Variants in TVP23C observed in about 807,000 individuals in gnomAD.
TVP23C encodes Golgi apparatus membrane protein TVP23 homolog C.
Under a neutral mutation model 28.7 loss-of-function variants are expected in TVP23C, and 19 were observed. The ratio of observed to expected loss-of-function variants is 0.66; its 90% CI spans 0.46 to 0.97. The LOEUF (loss-of-function observed/expected upper bound fraction) is 0.97, where lower values mean the gene tolerates loss of function less well. Among genes scored for constraint, TVP23C ranks in the 50% least tolerant of loss-of-function variants. The pLI, the probability that TVP23C is intolerant of heterozygous loss-of-function variation, is 0.00. For synonymous variants in TVP23C, 68 were observed against 81.7 expected (o/e 0.83, Z 0.90); for missense variants, 186 against 241.3 (o/e 0.77, Z 1.52).
At chr17:15,551,180 G>A (rs2875144) in intron 3 of TVP23C, among the ~76,000 whole-genome samples, 16 of 151,170 alleles carry the variant, frequency 1.1e-4, no homozygotes, top group East Asian at 1.9e-4. Context: ...GCAGTGGCGC[G>A]ATCTCGGCTC....
rs1248602115 is a variant in TVP23C at position 15,506,847 on chromosome 17, C to T, written c.463-3615G>A. 9 of 649,242 alleles carry T rather than the reference C, an allele frequency of 1.4e-5. No homozygotes were observed. In the East Asian group the frequency reaches 3.3e-4, roughly 24 times the overall value. 40.2% of individuals were successfully genotyped at this position (649,242 alleles called of 1,614,324 possible). ...TGAAGTCAGTGAGACCAAGAACCCA[C>T]TAGAACACACTATCAGCCGTGGTCA... On this transcript the variant is annotated intron_variant, in intron 5 of 5. Coordinates refer to the TVP23C transcript ENST00000225576.
intron 5 of TVP23C, among the ~76,000 whole-genome samples, chr17:15,523,930 A>G (rs576364027): frequency 3.5e-4 from 53 of 152,324 alleles, no homozygotes; most frequent in Admixed American, 2.7e-3. Flanking sequence ...GATATTTTTA[A>G]CATGCCAAGA....
At chr17:15,532,254 G>A (rs1364912402), downstream of TVP23C, among the ~76,000 whole-genome samples, 1 of 152,252 alleles carries the variant, frequency 6.6e-6, no homozygotes, top group African/African-American at 2.4e-5. Flanking sequence ...GCCACCAATT[G>A]TTTATAACAA....
In TVP23C at chr17:15,537,461, T is replaced by G; in HGVS notation, c.*2951A>C. ...TGTAAAATAAATAGAATAGCAGCAATCTCTGGGTATTCCTTAAACTATGAT... is the reference window on the plus strand; with the variant it reads ...TGTAAAATAAATAGAATAGCAGCAAGCTCTGGGTATTCCTTAAACTATGAT... On this transcript the variant is annotated 3_prime_UTR_variant, in exon 6 of 6. Coordinates refer to ENST00000518321, the MANE Select transcript of TVP23C (RefSeq NM_001135036.2). 1 of 985,148 alleles carries G rather than the reference T, an allele frequency of 1.0e-6. No individual in the cohort carries two copies. Among genetic ancestry groups the G allele is most frequent in the Non-Finnish European group, 1.2e-6 (1 of 829,690 alleles). The allele number at this position is 985,148 out of a possible 1,614,324, so 61.0% of individuals were successfully genotyped here.
At chr17:15,516,564 T>G (rs1982236778) in intron 5 of TVP23C, 1 of 152,170 alleles carries the variant, frequency 6.6e-6, no homozygotes, top group Admixed American at 6.5e-5. Context: ...TATCCTCTTC[T>G]TATGGAACAC....
chr17:15,553,251 T>C (rs1275721999), intron 3 of TVP23C, among the ~76,000 whole-genome samples: 1 of 148,880 alleles, frequency 6.7e-6, no homozygotes, highest in Non-Finnish European at 1.5e-5. Flanking sequence ...AAAGCATCCA[T>C]AGGAGCCTTT....
chr17:15,546,304 C>T (rs1983644533), intron 4 of TVP23C, among the ~76,000 whole-genome samples: 1 of 151,796 alleles, frequency 6.6e-6, no homozygotes, highest in South Asian at 2.1e-4. Context: ...AAATTAGGGT[C>T]CAGAGGGGAA....
chr17:15,522,088 G>A (rs1453653387), intron 5 of TVP23C, among the ~76,000 whole-genome samples: 1 of 152,146 alleles, frequency 6.6e-6, no homozygotes, highest in African/African-American at 2.4e-5. Flanking sequence ...ATGAATCATG[G>A]CACAGGCAGG....
At chr17:15,515,030 T>C (rs1199631444) in intron 5 of TVP23C, among the ~76,000 whole-genome samples, 3 of 152,120 alleles carry the variant, frequency 2.0e-5, no homozygotes, top group Non-Finnish European at 4.4e-5. Flanking sequence ...AACTCCTTTT[T>C]TCAGGATTGT....
intron 5 of TVP23C, among the ~76,000 whole-genome samples, chr17:15,508,801 C>T (rs1981881083): frequency 6.6e-6 from 1 of 152,174 alleles, no homozygotes; most frequent in Non-Finnish European, 1.5e-5. Context: ...TCGCTATTTC[C>T]TTCCCTGTGT....
intron 4 of TVP23C, 40 bp from the exon 5 acceptor site, chr17:15,545,956 T>G: frequency 6.3e-7 from 1 of 1,587,654 alleles, no homozygotes; most frequent in East Asian, 2.2e-5. Flanking sequence ...GTTGTGAAAT[T>G]TATCAATAAA....
intron 5 of TVP23C, among the ~76,000 whole-genome samples, chr17:15,505,842 G>A (rs972004763): frequency 6.6e-6 from 1 of 152,236 alleles, no homozygotes; most frequent in Non-Finnish European, 1.5e-5. Context: ...GCCAGCGGCT[G>A]CGTACGGTGT....
chr17:15,539,345 C>A lies in TVP23C; in HGVS notation c.*1067G>T, dbSNP rs1983301656. 1.0e-6 allele frequency: 1 copy of A among 980,192 alleles called. No individual in the cohort carries two copies. The highest frequency in any genetic ancestry group is 4.7e-5 in the South Asian group (1 of 21,176). The allele number at this position is 980,192 out of a possible 1,614,324, so 60.7% of individuals were successfully genotyped here. ...AGTCACGGCCAGGCGCCGTGGCTCA[C>A]GCCTGTAATCCCAGCACTTTGGGAG... On this transcript the variant is annotated 3_prime_UTR_variant, in exon 6 of 6. Transcript: ENST00000518321.
chr17:15,544,744 T>TAAC (rs998378886), intron 5 of TVP23C, among the ~76,000 whole-genome samples: 1 of 152,046 alleles, frequency 6.6e-6, no homozygotes, highest in African/African-American at 2.4e-5. Flanking sequence ...TAATTAAAGG[T>TAAC]AACTACCAGA....
intron 5 of TVP23C, among the ~76,000 whole-genome samples, chr17:15,526,827 G>A (rs983140738): frequency 1.2e-4 from 19 of 152,266 alleles, no homozygotes; most frequent in African/African-American, 4.3e-4. Context: ...AGCTGTGTTG[G>A]ATTTCAACAA....
intron 5 of TVP23C, among the ~76,000 whole-genome samples, chr17:15,504,495 C>T (rs536274500): frequency 1.3e-5 from 2 of 152,148 alleles, no homozygotes; most frequent in South Asian, 2.1e-4. Flanking sequence ...GAGTTGAGAG[C>T]GCGGAAGATG....
At chr17:15,557,282 A>C (rs1327331499) in intron 1 of TVP23C, among the ~76,000 whole-genome samples, 1 of 143,904 alleles carries the variant, frequency 6.9e-6, no homozygotes, top group Non-Finnish European at 1.5e-5. Context: ...GAGGACCTAG[A>C]AGACAAGGTT....
rs765014650 is a variant in TVP23C at position 15,547,118 on chromosome 17, G to A, written c.271C>T (p.Arg91Cys). ...TCTTCATCAATGTGATTCCACCAAC[G>A]TAGGCCAACCATTAGTCTACCTGTG... The part of the protein sequence containing the change: ...NVTGRLMVGL[R>C]WWNHIDEDGK... The change falls in exon 4 of 6, where the codon CGT becomes TGT. Residue 91 changes from arginine to cysteine, a missense_variant. Arg to Cys is a radical substitution (Grantham distance 180, BLOSUM62 -3). Around this residue, in one of 3 missense-constraint regions of TVP23C, gnomAD observed 20 missense variants for 51.0 expected, o/e 0.39. Transcript: ENST00000518321. The A allele has an allele frequency of 6.2e-6, 10 of 1,609,730 alleles. No individual in the cohort carries two copies. The highest frequency in any genetic ancestry group is 2.2e-5 in the South Asian group (2 of 90,142).
intron 5 of TVP23C, among the ~76,000 whole-genome samples, chr17:15,513,664 C>T (rs1982097737): frequency 6.6e-6 from 1 of 152,172 alleles, no homozygotes; most frequent in African/African-American, 2.4e-5. Context: ...TTCTTTTCAA[C>T]CAGGAGGTTA....
Sources: gnomAD v4.1 joint callset for allele counts (sites outside exome capture counted in the v4.1 genomes callset) on GRCh38, gnomAD v4.1.1 for gene constraint, gnomAD v4.1.1 regional missense constraint, MANE v1.5 for transcripts, NCBI Gene and HGNC (gene_info 2026-07-23, HGNC 2026-07-21) for gene names.